The following TMEM117 variants were observed in gnomAD, a reference collection of about 807,000 sequenced individuals.
The protein encoded by TMEM117 is transmembrane protein 117.
Under a neutral mutation model 52.4 loss-of-function variants are expected in TMEM117, and 27 were observed. That is an observed-to-expected ratio of 0.51 (90% CI 0.38 to 0.71). TMEM117 has a LOEUF of 0.71. Ranked by LOEUF, TMEM117 falls within the 30% of genes least tolerant of loss-of-function variation. The pLI is 0.00. For missense variants in TMEM117, 556 were observed against 630.5 expected, an observed-to-expected ratio of 0.88 and a Z score of 1.26; for synonymous variants, 215 against 206.3, an observed-to-expected ratio of 1.04 and a Z score of -0.36.
chr12:44,386,346 G>A (rs1018096049), intron 7 of TMEM117, among the ~76,000 whole-genome samples: 3 of 152,066 alleles, frequency 2.0e-5, no homozygotes, highest in Non-Finnish European at 1.5e-5. Flanking sequence ...AGCACCAGAC[G>A]CTATAGATAT....
intron 3 of TMEM117, among the ~76,000 whole-genome samples, chr12:43,954,645 G>A (rs1364824488): frequency 6.6e-6 from 1 of 152,100 alleles, no homozygotes; most frequent in African/African-American, 2.4e-5. Context: ...TGAAATTGAG[G>A]GAGTAATAAA....
intron 3 of TMEM117, among the ~76,000 whole-genome samples, chr12:44,101,196 T>C (rs1463608340): frequency 6.6e-6 from 1 of 151,520 alleles, no homozygotes; most frequent in Admixed American, 6.6e-5. Context: ...GGTTTCAACT[T>C]ATGAATATGT....
the TMEM117 span, among the ~76,000 whole-genome samples, chr12:43,805,010 T>C: frequency 6.6e-6 from 1 of 152,244 alleles, no homozygotes; most frequent in African/African-American, 2.4e-5. Flanking sequence ...CAACAGTATA[T>C]ATCAAATATC....
chr12:44,180,004 A>G (rs1949169222), intron 4 of TMEM117, among the ~76,000 whole-genome samples: 1 of 152,248 alleles, frequency 6.6e-6, no homozygotes, highest in Non-Finnish European at 1.5e-5. Context: ...TAGGCAGAAG[A>G]AAATAAAAAA....
At position 43,864,185 on chromosome 12, in the gene TMEM117, C is replaced by T. The variant is rs560845989; in HGVS notation, c.277+19257C>T. Among the ~76,000 whole-genome samples the T allele has an allele frequency of 1.2e-4, 19 of 152,342 alleles. No homozygotes were observed. The South Asian group carries it at 1.7e-3, about 13-fold the overall frequency. ...ATGCCTGAGTCTCCCTCACTCCCCC[C>T]GCAGTGGGTTCCTGCGCGGCCTGAG... On this transcript the variant is annotated intron_variant, in intron 2 of 7. Transcript: ENST00000266534.
At chr12:43,917,086 T>C (rs1944616472) in intron 2 of TMEM117, among the ~76,000 whole-genome samples, 1 of 152,106 alleles carries the variant, frequency 6.6e-6, no homozygotes, top group Non-Finnish European at 1.5e-5. Context: ...GATTTATTGA[T>C]ATAGTGATAC....
At chr12:43,823,630 C>T in the TMEM117 span, among the ~76,000 whole-genome samples, 4 of 152,164 alleles carry the variant, frequency 2.6e-5, no homozygotes, top group African/African-American at 9.7e-5. Context: ...TCTTCTGCCT[C>T]AGGCTCCCAA....
At chr12:44,204,896 T>C (rs1949544652) in intron 4 of TMEM117, among the ~76,000 whole-genome samples, 1 of 151,888 alleles carries the variant, frequency 6.6e-6, no homozygotes, top group Non-Finnish European at 1.5e-5. Context: ...TATACAAAAA[T>C]CAACTCAAGA....
At chr12:43,906,752 C>T (rs1008767876) in intron 2 of TMEM117, among the ~76,000 whole-genome samples, 11 of 152,216 alleles carry the variant, frequency 7.2e-5, no homozygotes, top group African/African-American at 2.2e-4. Context: ...CCTGGAAAAT[C>T]GGGTCACTCC....
intron 6 of TMEM117, among the ~76,000 whole-genome samples, chr12:44,339,293 C>T (rs866534126): frequency 9.2e-5 from 14 of 152,020 alleles, no homozygotes; most frequent in East Asian, 1.9e-4. Context: ...TCCTGGGAAA[C>T]GTGGTTTTTC....
At chr12:44,143,730 C>G (rs1948602715) in intron 4 of TMEM117, 106 bp downstream of exon 4, 1 of 736,050 alleles carries the variant, frequency 1.4e-6, no homozygotes, top group Non-Finnish European at 2.2e-6. Context: ...AATTACCTCT[C>G]TTTGAGTGAA....
At chr12:43,988,564 T>C (rs915070909) in intron 3 of TMEM117, among the ~76,000 whole-genome samples, 3 of 152,074 alleles carry the variant, frequency 2.0e-5, no homozygotes, top group East Asian at 1.9e-4. Context: ...ATTGGAAAAT[T>C]CTACAAAGAA....
At chr12:44,393,306 A>C (rs185208682), downstream of TMEM117, among the ~76,000 whole-genome samples, 7 of 152,294 alleles carry the variant, frequency 4.6e-5, no homozygotes, top group Admixed American at 2.0e-4. Context: ...TGAGAATCAC[A>C]GTAACAAAAC....
At chr12:44,143,706 A>T (rs1948602337) in intron 4 of TMEM117, 82 bp downstream of exon 4, 1 of 945,772 alleles carries the variant, frequency 1.1e-6, no homozygotes, top group African/African-American at 1.7e-5. Context: ...GCTTTTGATG[A>T]TGTAGAGTAA....
At chr12:44,282,511 T>C (rs1481337917) in intron 5 of TMEM117, among the ~76,000 whole-genome samples, 5 of 152,198 alleles carry the variant, frequency 3.3e-5, no homozygotes, top group South Asian at 2.1e-4. Context: ...TGTTATGTTT[T>C]AGCAAAGAGA....
chr12:44,384,674 A>G (rs1952064686), intron 7 of TMEM117, among the ~76,000 whole-genome samples: 1 of 152,152 alleles, frequency 6.6e-6, no homozygotes, highest in South Asian at 2.1e-4. Flanking sequence ...GTTGGTATTT[A>G]GTAATGCATA....
chr12:44,253,476 G>T (rs115216970), intron 5 of TMEM117, among the ~76,000 whole-genome samples: 1,749 of 152,214 alleles, frequency 0.011, 22 homozygotes, highest in South Asian at 0.052. Context: ...GAAAAGACCC[G>T]ATATGAGCCT....
intron 3 of TMEM117, among the ~76,000 whole-genome samples, chr12:43,980,866 C>T (rs1215681094): frequency 6.6e-6 from 1 of 152,166 alleles, no homozygotes; most frequent in East Asian, 1.9e-4. Context: ...GATTTAATGA[C>T]AAAGGCTTGG....
At chr12:43,969,734 A>G (rs1041642569) in intron 3 of TMEM117, among the ~76,000 whole-genome samples, 9 of 152,056 alleles carry the variant, frequency 5.9e-5, no homozygotes, top group African/African-American at 2.2e-4. Flanking sequence ...TAAAATCCAT[A>G]CGGTCACCTA....
Sources: gnomAD v4.1 joint callset for allele counts (sites outside exome capture counted in the v4.1 genomes callset) on GRCh38, gnomAD v4.1.1 for gene constraint, MANE v1.5 for transcripts, NCBI Gene and HGNC (gene_info 2026-07-23, HGNC 2026-07-21) for gene names.